PAFAH1B2: variants seen among roughly 807,000 people sequenced by gnomAD.
The protein encoded by PAFAH1B2 is platelet activating factor acetylhydrolase 1b catalytic subunit 2, also known as platelet-activating factor acetylhydrolase IB subunit alpha2.
A neutral mutation model predicts 28.0 loss-of-function variants in PAFAH1B2; 8 were observed. The observed-to-expected ratio is 0.29, with a 90% CI of 0.17 to 0.52. The LOEUF (loss-of-function observed/expected upper bound fraction) is 0.52, where lower values mean the gene tolerates loss of function less well. Ranked by LOEUF, PAFAH1B2 falls within the 20% of genes least tolerant of loss-of-function variation. The pLI, the probability that PAFAH1B2 is intolerant of heterozygous loss-of-function variation, is 0.97. For synonymous variants in PAFAH1B2, 104 were observed against 103.2 expected (o/e 1.01, Z -0.05); for missense variants, 190 against 282.6 (o/e 0.67, Z 2.35).
Position 117,169,519 on chromosome 11 carries a change from C to A in PAFAH1B2, c.*1820C>A. On this transcript the variant is annotated 3_prime_UTR_variant, in exon 6 of 6. Transcript: ENST00000527958. ...AGGGCTTACTGATGCGTGCTAAGACCGATTTCTGATTGAGGGATGAACCTT... is the reference window on the plus strand; with the variant it reads ...AGGGCTTACTGATGCGTGCTAAGACAGATTTCTGATTGAGGGATGAACCTT... The A allele has an allele frequency of 5.7e-6, 6 of 1,054,422 alleles. No homozygotes were observed. Among genetic ancestry groups the A allele is most frequent in the Non-Finnish European group, 6.9e-6 (6 of 872,494 alleles). 65.3% of individuals were successfully genotyped at this position (1,054,422 alleles called of 1,614,324 possible). A position where few individuals can be genotyped will look rare whatever the true frequency, so the allele number is the denominator to read the frequency against.
chr11:117,172,048 G>GT (rs1956661009), downstream of PAFAH1B2, among the ~76,000 whole-genome samples: 1 of 151,884 alleles, frequency 6.6e-6, no homozygotes, highest in Non-Finnish European at 1.5e-5. Context: ...TTGCTTTACT[G>GT]TATGTGGATT....
chr11:117,149,713 T>G (rs2134170296), intron 1 of PAFAH1B2, among the ~76,000 whole-genome samples: 1 of 152,066 alleles, frequency 6.6e-6, no homozygotes. Flanking sequence ...ATTACAGGTG[T>G]GAGCCACCGT....
At position 117,169,427 on chromosome 11, in the gene PAFAH1B2, T is replaced by A; in HGVS notation, c.*1728T>A. 1 of 1,053,394 alleles carries A rather than the reference T, an allele frequency of 9.5e-7. No homozygotes were observed. Among genetic ancestry groups the A allele is most frequent in the Non-Finnish European group, 1.1e-6 (1 of 871,836 alleles). The allele number at this position is 1,053,394 out of a possible 1,614,324, so 65.3% of individuals were successfully genotyped here. A position where few individuals can be genotyped will look rare whatever the true frequency, so the allele number is the denominator to read the frequency against. On this transcript the variant is annotated 3_prime_UTR_variant, in exon 6 of 6. Coordinates refer to ENST00000527958, the MANE Select transcript of PAFAH1B2 (RefSeq NM_002572.4). Reference sequence around the variant, plus strand: ...CCATCAAAATATGCTCTGCAGTGATTCCGCTTAATGTTTAAATTCAGTAAC... The same window carrying A: ...CCATCAAAATATGCTCTGCAGTGATACCGCTTAATGTTTAAATTCAGTAAC...
At chr11:117,174,205 T>TGTGG (rs1491369777), downstream of PAFAH1B2, among the ~76,000 whole-genome samples, 1 of 147,456 alleles carries the variant, frequency 6.8e-6, no homozygotes, top group Non-Finnish European at 1.5e-5. Flanking sequence ...TGTGTGTGTG[T>TGTGG]GGCAGTTTCA....
Position 117,144,502 on chromosome 11 carries a change from G to A in PAFAH1B2, c.-8+84G>A, listed in dbSNP as rs542242121. ...TGCGAGGTGTTATTGTGAGAGGCCC[G>A]CGACCTCCCCTCCCCCACCCTTGCG... On this transcript the variant is annotated intron_variant, in intron 1 of 5. Coordinates refer to ENST00000527958, the MANE Select transcript of PAFAH1B2 (RefSeq NM_002572.4). 7.1e-5 allele frequency: 13 copies of A among 182,524 alleles called. No individual in the cohort carries two copies. The East Asian group carries it at 1.6e-3, about 23-fold the overall frequency. The allele number at this position is 182,524 out of a possible 1,614,324, so 11.3% of individuals were successfully genotyped here. A position where few individuals can be genotyped will look rare whatever the true frequency, so the allele number is the denominator to read the frequency against.
At chr11:117,171,599 A>G, downstream of PAFAH1B2, 1 of 915,654 alleles carries the variant, frequency 1.1e-6, no homozygotes, top group Admixed American at 2.0e-5. Context: ...GCACGGACTC[A>G]TTTATCACCC....
downstream of PAFAH1B2, among the ~76,000 whole-genome samples, chr11:117,173,534 G>C (rs995475893): frequency 1.3e-5 from 2 of 152,136 alleles, no homozygotes; most frequent in Non-Finnish European, 1.5e-5. Context: ...GAATGGATGA[G>C]AGGTTTTTAT....
intron 1 of PAFAH1B2, among the ~76,000 whole-genome samples, chr11:117,147,765 T>C (rs1956048682): frequency 6.6e-6 from 1 of 152,246 alleles, no homozygotes; most frequent in Non-Finnish European, 1.5e-5. Flanking sequence ...TTTGCCATTG[T>C]AGGGGAAGAA....
chr11:117,151,372 G>A (rs955287836), intron 1 of PAFAH1B2, among the ~76,000 whole-genome samples: 1 of 151,574 alleles, frequency 6.6e-6, no homozygotes, highest in South Asian at 2.1e-4. Context: ...TGGGACTACA[G>A]GTGCATGCCA....
chr11:117,168,451 T>TTTTTTTTTTG lies in PAFAH1B2; in HGVS notation c.*761_*762insGTTTTTTTTT, dbSNP rs1565275073. 1.1e-5 allele frequency: 8 copies of TTTTTTTTTTG among 750,752 alleles called. No individual in the cohort carries two copies. In the African/African-American group the frequency reaches 1.7e-4, roughly 16 times the overall value. The allele number at this position is 750,752 out of a possible 1,614,324, so 46.5% of individuals were successfully genotyped here. On this transcript the variant is annotated 3_prime_UTR_variant, in exon 6 of 6. Coordinates refer to ENST00000527958, the MANE Select transcript of PAFAH1B2 (RefSeq NM_002572.4). Reference sequence around the variant, plus strand: ...TTCATTCCCCCCGCCACCCCGTTTTTTTTTTTTTTTTTTTTTTTTTGGTTC... The same window carrying TTTTTTTTTTG: ...TTCATTCCCCCCGCCACCCCGTTTTTTTTTTTTTTGTTTTTTTTTTTTTTTTTTTTGGTTC...
intron 1 of PAFAH1B2, among the ~76,000 whole-genome samples, chr11:117,145,479 A>G (rs1178150053): frequency 6.6e-6 from 1 of 152,116 alleles, no homozygotes; most frequent in Non-Finnish European, 1.5e-5. Context: ...GTGGAAGGAG[A>G]AAGTGCTTAA....
intron 5 of PAFAH1B2, 194 bp downstream of exon 5, chr11:117,164,086 C>G: frequency 3.8e-6 from 2 of 523,864 alleles, no homozygotes; most frequent in Non-Finnish European, 6.7e-6. Flanking sequence ...GTGGGGCCAT[C>G]TTTTATCCAC....
At chr11:117,175,014 T>TGG, downstream of PAFAH1B2, 6 of 1,423,450 alleles carry the variant, frequency 4.2e-6, no homozygotes, top group Non-Finnish European at 5.5e-6. Flanking sequence ...AAAATGGAGC[T>TGG]GGACTCATGG....
downstream of PAFAH1B2, among the ~76,000 whole-genome samples, chr11:117,174,524 C>T (rs1262373933): frequency 6.8e-6 from 1 of 147,326 alleles, no homozygotes; most frequent in East Asian, 2.0e-4. Flanking sequence ...CACTCGTTGC[C>T]CAGGCATGCA....
At chr11:117,145,139 G>T (rs1266215260) in intron 1 of PAFAH1B2, among the ~76,000 whole-genome samples, 1 of 152,150 alleles carries the variant, frequency 6.6e-6, no homozygotes, top group East Asian at 1.9e-4. Flanking sequence ...CCTGCCCAAG[G>T]TCAGCCAGCT....
chr11:117,165,091 G>T (rs1956473297), intron 5 of PAFAH1B2, among the ~76,000 whole-genome samples: 1 of 150,524 alleles, frequency 6.6e-6, no homozygotes, highest in African/African-American at 2.4e-5. Flanking sequence ...GAGTAGCTGG[G>T]ACTACAGGCG....
downstream of PAFAH1B2, among the ~76,000 whole-genome samples, chr11:117,172,386 ATATATATATATATATATATTT>A (rs1956684536): frequency 5.3e-4 from 1 of 1,876 alleles, no homozygotes; most frequent in African/African-American, 2.0e-3. Context: ...ATATATATAT[ATATATATATATATATATATTT>A]TTTTTTTTTT....
At chr11:117,161,329 A>G in intron 4 of PAFAH1B2, 68 bp downstream of exon 4, 1 of 1,020,714 alleles carries the variant, frequency 9.8e-7, no homozygotes. Context: ...ATTGTCTGAA[A>G]CTGTAAAAAA....
At chr11:117,172,850 T>C (rs531189710), downstream of PAFAH1B2, among the ~76,000 whole-genome samples, 1 of 152,292 alleles carries the variant, frequency 6.6e-6, no homozygotes, top group Admixed American at 6.5e-5. Flanking sequence ...ATTACAGGCG[T>C]GTACCACCAC....
Sources: allele counts gnomAD v4.1 joint callset (sites outside exome capture counted in the v4.1 genomes callset), GRCh38; gene constraint gnomAD v4.1.1; transcripts MANE v1.5; gene names NCBI Gene and HGNC (gene_info 2026-07-23, HGNC 2026-07-21).